Variants in APBB2 observed in about 807,000 individuals in gnomAD.
APBB2 encodes Fe65-like 1.
A neutral mutation model predicts 82.5 loss-of-function variants in APBB2; 38 were observed. The ratio of observed to expected loss-of-function variants is 0.46; its 90% confidence interval spans 0.36 to 0.60. The LOEUF is 0.60. Among genes scored for constraint, APBB2 ranks in the 20% least tolerant of loss-of-function variants. APBB2 has a pLI of 0.00. For synonymous variants in APBB2, 341 were observed against 368.2 expected, an observed-to-expected ratio of 0.93 and a Z score of 0.85; for missense variants, 772 against 972.3, an observed-to-expected ratio of 0.79 and a Z score of 2.74.
intron 1 of APBB2, among the ~76,000 whole-genome samples, chr4:41,181,996 C>T (rs905762472): frequency 1.3e-5 from 2 of 150,470 alleles, no homozygotes; most frequent in African/African-American, 4.9e-5. Flanking sequence ...CCATAACATA[C>T]TTTGGCATGA....
At chr4:40,835,398 TAC>T in intron 12 of APBB2, among the ~76,000 whole-genome samples, 1 of 152,290 alleles carries the variant, frequency 6.6e-6, no homozygotes, top group East Asian at 1.9e-4. Context: ...CGTCTAATGT[TAC>T]AGACGGGCAA....
At chr4:40,948,482 TA>T (rs760973417) in intron 6 of APBB2, among the ~76,000 whole-genome samples, 3 of 151,956 alleles carry the variant, frequency 2.0e-5, no homozygotes, top group Non-Finnish European at 4.4e-5. Context: ...TGAGGACGGC[TA>T]GGGGCAGTGG....
Position 41,011,711 on chromosome 4 carries a change from G to A in APBB2, c.835+1872C>T, listed in dbSNP as rs189895985. 3.7e-4 allele frequency among the ~76,000 whole-genome samples: 56 copies of A among 151,356 alleles called. 1 individual carries two copies. In the East Asian group the frequency reaches 0.01, roughly 28 times the overall value. The stretch of plus-strand genomic sequence containing the variant: ...CTTCCAAAGTGCTGGGATTACAGGC[G>A]TGAGCCATCATGCCGGTCTTAAAAT... On this transcript the variant is annotated intron_variant, in intron 6 of 17. Coordinates refer to ENST00000508593, the MANE Select transcript of APBB2 (RefSeq NM_004307.2).
At chr4:40,860,282 G>T (rs1180224464) in intron 12 of APBB2, among the ~76,000 whole-genome samples, 1 of 152,174 alleles carries the variant, frequency 6.6e-6, no homozygotes, top group African/African-American at 2.4e-5. Flanking sequence ...GTGATCTGGG[G>T]TGGGCGCTTG....
intron 12 of APBB2, among the ~76,000 whole-genome samples, chr4:40,837,229 C>T (rs1360152118): frequency 6.6e-6 from 1 of 151,890 alleles, no homozygotes; most frequent in Non-Finnish European, 1.5e-5. Context: ...CGTCAGGCAG[C>T]CAAGCAGGCA....
At chr4:41,188,782 C>T (rs1773635720) in intron 1 of APBB2, among the ~76,000 whole-genome samples, 1 of 152,046 alleles carries the variant, frequency 6.6e-6, no homozygotes, top group South Asian at 2.1e-4. Flanking sequence ...GGTGTGGTGG[C>T]ACGTGCCTGT....
intron 1 of APBB2, among the ~76,000 whole-genome samples, chr4:41,191,888 G>A (rs1774543390): frequency 6.6e-6 from 1 of 152,084 alleles, no homozygotes; most frequent in Non-Finnish European, 1.5e-5. Flanking sequence ...ACCTAATATG[G>A]CGGTCACGAT....
intron 6 of APBB2, among the ~76,000 whole-genome samples, chr4:41,006,626 G>C (rs1451715901): frequency 6.6e-6 from 1 of 151,984 alleles, no homozygotes; most frequent in Admixed American, 6.6e-5. Flanking sequence ...ACCACAGCCT[G>C]CTAATTGTTT....
At chr4:40,932,633 A>G (rs1405438206) in intron 10 of APBB2, among the ~76,000 whole-genome samples, 1 of 152,094 alleles carries the variant, frequency 6.6e-6, no homozygotes, top group Non-Finnish European at 1.5e-5. Flanking sequence ...TTCTCTCTCC[A>G]TGGCACAGGA....
At chr4:41,210,199 G>T (rs1008488401) in intron 1 of APBB2, among the ~76,000 whole-genome samples, 16 of 152,168 alleles carry the variant, frequency 1.1e-4, no homozygotes, top group African/African-American at 3.9e-4. Context: ...TCCGAAGCAG[G>T]GGGCTGGGGA....
intron 6 of APBB2, among the ~76,000 whole-genome samples, chr4:40,954,944 C>T (rs1341337348): frequency 4.0e-5 from 6 of 151,234 alleles, no homozygotes; most frequent in South Asian, 4.2e-4. Flanking sequence ...CACCACTGTA[C>T]GGCCAGGTAG....
rs1273562757 is a variant in APBB2 at position 41,027,395 on chromosome 4, AT to A, written c.19+5840del. 1.0e-4 allele frequency among the ~76,000 whole-genome samples: 14 copies of A among 133,782 alleles called. No individual in the cohort carries two copies. In the East Asian group the frequency reaches 1.2e-3, roughly 12 times the overall value. The allele number at this position is 133,782 out of a possible 152,430, so 87.8% of individuals were successfully genotyped here. ...TATATATATATATATATATATATAT[AT>A]ATATATATAACATTTTCAAGAACTC... is the stretch of plus-strand genomic sequence containing the variant. On this transcript the variant is annotated intron_variant, in intron 5 of 17. Transcript: ENST00000508593.
intron 4 of APBB2, among the ~76,000 whole-genome samples, chr4:41,041,521 C>T (rs1010158375): frequency 2.0e-5 from 3 of 152,120 alleles, no homozygotes; most frequent in African/African-American, 7.2e-5. Context: ...AATTTTTTTG[C>T]CATTCACATA....
At chr4:40,931,799 C>CTTT (rs111481667) in intron 10 of APBB2, among the ~76,000 whole-genome samples, 4 of 144,834 alleles carry the variant, frequency 2.8e-5, no homozygotes, top group African/African-American at 1.0e-4. Context: ...TTTCTGTGCC[C>CTTT]TTTTTTTTTT....
intron 10 of APBB2, among the ~76,000 whole-genome samples, chr4:40,907,375 ATATATTTTTT>A (rs1318532139): frequency 7.1e-3 from 229 of 32,438 alleles, no homozygotes; most frequent in African/African-American, 0.029. Flanking sequence ...ATATATATAT[ATATATTTTTT>A]TTTTTTTTTT....
intron 10 of APBB2, among the ~76,000 whole-genome samples, chr4:40,902,845 T>C (rs1358616081): frequency 6.6e-6 from 1 of 152,004 alleles, no homozygotes; most frequent in East Asian, 1.9e-4. Flanking sequence ...ACCCAGTTTT[T>C]AATACAAGAA....
At chr4:41,153,919 C>T (rs1207914305) in intron 1 of APBB2, among the ~76,000 whole-genome samples, 3 of 152,034 alleles carry the variant, frequency 2.0e-5, no homozygotes, top group Admixed American at 6.6e-5. Flanking sequence ...GAGCTAGACG[C>T]GTAAGGAGTT....
intron 10 of APBB2, among the ~76,000 whole-genome samples, chr4:40,930,158 A>G (rs1358636801): frequency 1.3e-5 from 2 of 152,220 alleles, no homozygotes; most frequent in Admixed American, 1.3e-4. Context: ...ATCAATATTA[A>G]TGTCTTAGTT....
At chr4:41,206,531 C>T (rs546179250) in intron 1 of APBB2, among the ~76,000 whole-genome samples, 2 of 152,214 alleles carry the variant, frequency 1.3e-5, no homozygotes, top group African/African-American at 4.8e-5. Flanking sequence ...AAGGTATACA[C>T]AGACCTTGGT....
Sources: gnomAD v4.1 joint callset for allele counts (sites outside exome capture counted in the v4.1 genomes callset) on GRCh38, gnomAD v4.1.1 for gene constraint, MANE v1.5 for transcripts, NCBI Gene and HGNC (gene_info 2026-07-23, HGNC 2026-07-21) for gene names.